Variants in RIGI observed in about 807,000 individuals in gnomAD.
RIGI encodes the protein antiviral innate immune response receptor RIG-I.
chr9:32,479,526 G>A, the RIGI span, among the ~76,000 whole-genome samples: 1 of 151,954 alleles, frequency 6.6e-6, no homozygotes, highest in Non-Finnish European at 1.5e-5. Flanking sequence ...GTGCCATTTT[G>A]GTTTCCTCTT....
the RIGI span, among the ~76,000 whole-genome samples, chr9:32,457,660 A>G: frequency 2.0e-4 from 31 of 152,276 alleles, no homozygotes; most frequent in East Asian, 5.0e-3. Flanking sequence ...GGCACCTCAT[A>G]AAGAAGAAGA....
chr9:32,457,826 C>T, the RIGI span, among the ~76,000 whole-genome samples: 1 of 152,170 alleles, frequency 6.6e-6, no homozygotes, highest in Non-Finnish European at 1.5e-5. Context: ...GGTCAAGATG[C>T]AATTGAAGAA....
the RIGI span, among the ~76,000 whole-genome samples, chr9:32,515,211 C>A: frequency 6.6e-6 from 1 of 151,718 alleles, no homozygotes; most frequent in African/African-American, 2.4e-5. Flanking sequence ...ACCAGCCTGA[C>A]CAACATGGTG....
chr9:32,506,672 G>T, the RIGI span, among the ~76,000 whole-genome samples: 14 of 152,142 alleles, frequency 9.2e-5, no homozygotes, highest in African/African-American at 2.9e-4. Context: ...TTTTCCAGTA[G>T]ATAAAAATGC....
chr9:32,517,668 T>G, the RIGI span, among the ~76,000 whole-genome samples: 2 of 152,226 alleles, frequency 1.3e-5, no homozygotes, highest in Non-Finnish European at 2.9e-5. Flanking sequence ...ATAAACCCAG[T>G]GAATATTTGT....
chr9:32,500,427 G>A, the RIGI span, among the ~76,000 whole-genome samples: 4 of 152,016 alleles, frequency 2.6e-5, no homozygotes, highest in Non-Finnish European at 5.9e-5. Flanking sequence ...TCTCCATTCA[G>A]ACCTTATACA....
chr9:32,474,202 C>CAAA, the RIGI span, among the ~76,000 whole-genome samples: 853 of 49,742 alleles, frequency 0.017, 21 homozygotes, highest in African/African-American at 0.025. Context: ...GACCCTGTCT[C>CAAA]AAAAAAAAAA....
chr9:32,473,453 AT>A, the RIGI span, among the ~76,000 whole-genome samples: 10 of 151,960 alleles, frequency 6.6e-5, no homozygotes, highest in Admixed American at 1.3e-4. Context: ...TGCATGGCTA[AT>A]TTTTGTATTT....
the RIGI span, chr9:32,487,693 C>T: frequency 1.3e-6 from 2 of 1,577,306 alleles, no homozygotes; most frequent in Non-Finnish European, 1.7e-6. Context: ...TTCCACAACC[C>T]CTCATATAAC....
the RIGI span, among the ~76,000 whole-genome samples, chr9:32,515,487 C>G: frequency 1.6e-4 from 25 of 152,070 alleles, no homozygotes; most frequent in Non-Finnish European, 3.2e-4. Flanking sequence ...TTCCATTTAT[C>G]TTTGCTTCTG....
At chr9:32,520,579 C>T in the RIGI span, among the ~76,000 whole-genome samples, 3 of 152,112 alleles carry the variant, frequency 2.0e-5, no homozygotes, top group African/African-American at 7.2e-5. Flanking sequence ...AAATTAAAAC[C>T]ATTCAATCCC....
At chr9:32,498,998 A>C in the RIGI span, among the ~76,000 whole-genome samples, 4 of 151,904 alleles carry the variant, frequency 2.6e-5, no homozygotes, top group East Asian at 7.7e-4. Context: ...AAAAAAAAAA[A>C]AAAAAAAGAT....
At chr9:32,486,708 G>A in the RIGI span, among the ~76,000 whole-genome samples, 25 of 152,232 alleles carry the variant, frequency 1.6e-4, no homozygotes, top group Admixed American at 3.9e-4. Flanking sequence ...GAGGAGCCCA[G>A]AGGAATGCAA....
chr9:32,498,489 C>A, the RIGI span: 3 of 363,592 alleles, frequency 8.3e-6, no homozygotes, highest in African/African-American at 2.1e-5. Flanking sequence ...CAGACTGCAA[C>A]CCTTTATGAA....
At chr9:32,499,316 G>GTTTTTT in the RIGI span, among the ~76,000 whole-genome samples, 84 of 57,618 alleles carry the variant, frequency 1.5e-3, no homozygotes, top group Middle Eastern at 0.022. Flanking sequence ...TTTGTGATTT[G>GTTTTTT]TTTTTTTTTT....
chr9:32,515,783 C>T, the RIGI span, among the ~76,000 whole-genome samples: 2 of 152,198 alleles, frequency 1.3e-5, no homozygotes, highest in Non-Finnish European at 2.9e-5. Flanking sequence ...AGTAAGGGAA[C>T]GTTTTTTTAG....
the RIGI span, chr9:32,459,245 T>G: frequency 8.3e-7 from 1 of 1,206,746 alleles, no homozygotes; most frequent in Non-Finnish European, 1.2e-6. Flanking sequence ...TAGCTTTTTT[T>G]AAATACACAG....
chr9:32,457,258 G>A, the RIGI span: 1 of 1,614,128 alleles, frequency 6.2e-7, no homozygotes, highest in Non-Finnish European at 8.5e-7. Flanking sequence ...AATCTCAAAT[G>A]TCTTGTACTT....
At chr9:32,507,405 G>A in the RIGI span, among the ~76,000 whole-genome samples, 1 of 151,994 alleles carries the variant, frequency 6.6e-6, no homozygotes, top group Non-Finnish European at 1.5e-5. Context: ...GATCATTTAT[G>A]CTTTTATTAT....
Sources: gnomAD v4.1 joint callset for allele counts (sites outside exome capture counted in the v4.1 genomes callset) on GRCh38, gnomAD v4.1.1 for gene constraint, MANE v1.5 for transcripts, NCBI Gene and HGNC (gene_info 2026-07-23, HGNC 2026-07-21) for gene names.